The following NRF1 variants were observed in gnomAD, a reference collection of about 807,000 sequenced individuals.
The protein encoded by NRF1 is alpha palindromic-binding protein.
NRF1 carries 5 observed loss-of-function variants against 58.5 expected under a neutral mutation model. The observed-to-expected ratio is 0.09, with a 90% CI of 0.04 to 0.18. The LOEUF (loss-of-function observed/expected upper bound fraction) is 0.18. Among genes scored for constraint, NRF1 ranks in the 10% least tolerant of loss-of-function variants. The pLI is 1.00. For synonymous variants in NRF1, 224 were observed against 246.7 expected (o/e 0.91, Z 0.86); for missense variants, 288 against 657.7 (o/e 0.44, Z 6.15).
At chr7:129,619,488 G>A (rs756162246) in intron 1 of NRF1, among the ~76,000 whole-genome samples, 8,583 of 39,150 alleles carry the variant, frequency 0.22, 601 homozygotes, top group Non-Finnish European at 0.27. Flanking sequence ...GTGTGTGTGT[G>A]TGTATATATA....
chr7:129,737,872 CA>C (rs1803754983), intron 10 of NRF1, among the ~76,000 whole-genome samples: 1 of 152,112 alleles, frequency 6.6e-6, no homozygotes, highest in Non-Finnish European at 1.5e-5. Flanking sequence ...AGCTTTTATC[CA>C]AAGATGGTAA....
intron 1 of NRF1, among the ~76,000 whole-genome samples, chr7:129,623,124 A>C (rs1418889516): frequency 6.6e-6 from 1 of 152,210 alleles, no homozygotes; most frequent in Non-Finnish European, 1.5e-5. Flanking sequence ...ATGAAAGCTA[A>C]CTTAGTGCAG....
At chr7:129,624,709 G>A (rs1423130532) in intron 1 of NRF1, among the ~76,000 whole-genome samples, 1 of 151,998 alleles carries the variant, frequency 6.6e-6, no homozygotes, top group East Asian at 1.9e-4. Context: ...TGGAGACAAC[G>A]TCTCTGTGTT....
intron 10 of NRF1, among the ~76,000 whole-genome samples, chr7:129,732,624 C>T (rs946157595): frequency 2.9e-5 from 4 of 137,068 alleles, no homozygotes; most frequent in East Asian, 2.2e-4. Flanking sequence ...GTTTTTGAGA[C>T]GGAGTTTCAC....
chr7:129,751,479 A>C (rs776745736), intron 10 of NRF1, among the ~76,000 whole-genome samples: 1 of 152,244 alleles, frequency 6.6e-6, no homozygotes, highest in Non-Finnish European at 1.5e-5. Context: ...GATACTATGA[A>C]AACTATTTTA....
intron 2 of NRF1, 39 bp downstream of exon 2, chr7:129,657,613 T>C: frequency 7.0e-7 from 1 of 1,429,882 alleles, no homozygotes; most frequent in East Asian, 2.3e-5. Context: ...TTTAATTTTT[T>C]TTTTTTTTTT....
At chr7:129,701,461 A>G (rs985666152) in intron 5 of NRF1, among the ~76,000 whole-genome samples, 5 of 151,858 alleles carry the variant, frequency 3.3e-5, no homozygotes, top group Non-Finnish European at 7.4e-5. Context: ...TTAGCCGGCC[A>G]TGGTAACGCA....
At chr7:129,751,343 CTG>C (rs1804111093) in intron 10 of NRF1, among the ~76,000 whole-genome samples, 1 of 152,226 alleles carries the variant, frequency 6.6e-6, no homozygotes, top group African/African-American at 2.4e-5. Context: ...CACTGAAGAA[CTG>C]TGAAGGAGAA....
chr7:129,685,688 A>G (rs1802429397), intron 4 of NRF1, among the ~76,000 whole-genome samples: 1 of 152,014 alleles, frequency 6.6e-6, no homozygotes, highest in African/African-American at 2.4e-5. Context: ...AAATAACAGT[A>G]TAAGTGACAC....
intron 2 of NRF1, among the ~76,000 whole-genome samples, chr7:129,658,182 T>C (rs536354326): frequency 6.6e-6 from 1 of 152,240 alleles, no homozygotes; most frequent in Non-Finnish European, 1.5e-5. Context: ...GGCGTTTTCT[T>C]TTGTAGTGAT....
At chr7:129,734,995 T>G in intron 10 of NRF1, 4 of 898,112 alleles carry the variant, frequency 4.5e-6, no homozygotes, top group Non-Finnish European at 4.0e-6. Context: ...GTCAGGGGCG[T>G]GTTCATTTTT....
At chr7:129,652,167 G>A (rs571777640) in intron 1 of NRF1, among the ~76,000 whole-genome samples, 2 of 152,340 alleles carry the variant, frequency 1.3e-5, no homozygotes, top group South Asian at 4.1e-4. Context: ...TTCTATAGTA[G>A]AGTGGGACAA....
intron 4 of NRF1, among the ~76,000 whole-genome samples, chr7:129,680,268 GAAATGA>G (rs1036003635): frequency 6.6e-6 from 1 of 151,974 alleles, no homozygotes; most frequent in Non-Finnish European, 1.5e-5. Context: ...AGTCATTAGG[GAAATGA>G]AAATAAAAAC....
intron 5 of NRF1, among the ~76,000 whole-genome samples, chr7:129,690,889 G>A (rs1049163907): frequency 3.3e-5 from 5 of 152,094 alleles, no homozygotes; most frequent in African/African-American, 7.2e-5. Flanking sequence ...AGTCAAGGTA[G>A]CCAAGTAAAC....
rs1222612235 is a variant in NRF1 at position 129,744,213 on chromosome 7, G to C, written c.1349-10805G>C. 1.9e-6 allele frequency: 3 copies of C among 1,542,348 alleles called. No homozygotes were observed. The African/African-American group carries it at 4.2e-5, about 21-fold the overall frequency. ...ATCGTGCAGGTCGCAAGTGGATCCT[G>C]ACTGACAAAGCCACAGGTGGGTTCA... On this transcript the variant is annotated intron_variant, in intron 10 of 10. Coordinates refer to ENST00000393232, the MANE Select transcript of NRF1 (RefSeq NM_005011.5).
intron 1 of NRF1, among the ~76,000 whole-genome samples, chr7:129,622,571 C>CTT (rs71527916): frequency 2.1e-4 from 28 of 132,560 alleles, no homozygotes; most frequent in African/African-American, 5.2e-4. Context: ...CTTTTCTTTT[C>CTT]TTTTTTTTTT....
chr7:129,682,120 A>C (rs1802327977), intron 4 of NRF1, among the ~76,000 whole-genome samples: 1 of 151,436 alleles, frequency 6.6e-6, no homozygotes, highest in South Asian at 2.1e-4. Context: ...ATACATACCC[A>C]AGCATGTAGA....
chr7:129,735,127 C>G, intron 10 of NRF1: 2 of 985,460 alleles, frequency 2.0e-6, no homozygotes, highest in Non-Finnish European at 2.4e-6. Flanking sequence ...TCTGTCTCCG[C>G]TGGTCAGCAC....
At chr7:129,744,773 G>A (rs866599633) in intron 10 of NRF1, among the ~76,000 whole-genome samples, 6 of 152,178 alleles carry the variant, frequency 3.9e-5, no homozygotes, top group Middle Eastern at 3.4e-3. Flanking sequence ...CCCTTTATGT[G>A]CTCTTAAAAA....
Sources: gnomAD v4.1 joint callset for allele counts (sites outside exome capture counted in the v4.1 genomes callset) on GRCh38, gnomAD v4.1.1 for gene constraint, MANE v1.5 for transcripts, NCBI Gene and HGNC (gene_info 2026-07-23, HGNC 2026-07-21) for gene names.